The following YLPM1 variants were observed in gnomAD, a reference collection of about 807,000 sequenced individuals.
YLPM1 encodes YLP motif containing 1, also known as YLP motif-containing protein 1.
Under a neutral mutation model 230.0 loss-of-function variants are expected in YLPM1, and 99 were observed. That is an observed-to-expected ratio of 0.43 (90% confidence interval 0.37 to 0.51). YLPM1 has a LOEUF of 0.51. Among genes scored for constraint, YLPM1 ranks in the 20% least tolerant of loss-of-function variants. YLPM1 has a pLI of 0.00. For synonymous variants in YLPM1, 984 were observed against 942.5 expected (o/e 1.04, Z -0.81); for missense variants, 2,592 against 2,707.7 (o/e 0.96, Z 0.95).
chr14:74,778,000 G>A (rs1360384080), intron 1 of YLPM1, among the ~76,000 whole-genome samples: 2 of 151,602 alleles, frequency 1.3e-5, no homozygotes, highest in African/African-American at 4.8e-5. Flanking sequence ...AAAAGAGGGA[G>A]GAGTGCTTGA....
At chr14:74,801,520 A>G (rs1400595073) in intron 5 of YLPM1, among the ~76,000 whole-genome samples, 1 of 152,264 alleles carries the variant, frequency 6.6e-6, no homozygotes, top group Non-Finnish European at 1.5e-5. Flanking sequence ...TTACATAATT[A>G]TCTTCAGGAA....
chr14:74,804,444 A>G (rs931974439), intron 6 of YLPM1, among the ~76,000 whole-genome samples: 6 of 152,034 alleles, frequency 3.9e-5, no homozygotes, highest in East Asian at 3.9e-4. Context: ...CTGATGCTTC[A>G]TTTTCCCTCC....
At chr14:74,815,287 C>CGTG (rs1326064270) in intron 11 of YLPM1, among the ~76,000 whole-genome samples, 1 of 152,062 alleles carries the variant, frequency 6.6e-6, no homozygotes, top group Non-Finnish European at 1.5e-5. Context: ...CTTAGTCAGG[C>CGTG]GTGGTGGCTC....
In YLPM1 at chr14:74,763,384, C is replaced by A. The variant is rs1373475889; in HGVS notation, c.-106C>A. ...GCGCTCCGTTTACACGCTCCGGGGC[C>A]TGTAGGCGCCGCGAGTTCCGGCTGT... On this transcript the variant is annotated 5_prime_UTR_variant, in exon 1 of 21. The change creates a new upstream start codon in the 5' untranslated region. Transcript: ENST00000325680. The A allele has an allele frequency of 7.4e-7, 1 of 1,343,024 alleles. No individual in the cohort carries two copies. Among genetic ancestry groups the A allele is most frequent in the African/African-American group, 1.5e-5 (1 of 65,484 alleles). 83.2% of individuals were successfully genotyped at this position (1,343,024 alleles called of 1,614,324 possible).
At chr14:74,816,517 A>G in intron 12 of YLPM1, 54 bp from the exon 13 acceptor site, 1 of 1,559,520 alleles carries the variant, frequency 6.4e-7, no homozygotes, top group Non-Finnish European at 8.7e-7. Context: ...TTTGGTGTGA[A>G]CATTAATTTA....
chr14:74,790,179 G>A (rs955797742), intron 4 of YLPM1, among the ~76,000 whole-genome samples: 16 of 152,104 alleles, frequency 1.1e-4, no homozygotes, highest in Admixed American at 7.9e-4. Flanking sequence ...CTGGCTTTAG[G>A]ATTGGAATTG....
chr14:74,816,640 G>A lies in YLPM1; in HGVS notation c.5635G>A (p.Val1879Met). 1 of 1,613,644 alleles carries A rather than the reference G, an allele frequency of 6.2e-7. No homozygotes were observed. Residue 1879 changes from valine (V) to methionine (M), a missense_variant, in exon 13 of 21, where the codon GTG becomes ATG. By Grantham distance (21) the Val-to-Met change is conservative. Around this residue, in one of 4 missense-constraint regions of YLPM1, gnomAD observed 315 missense variants for 429.3 expected, o/e 0.73. Coordinates refer to ENST00000325680, the MANE Select transcript of YLPM1 (RefSeq NM_019589.3). ...LSLDDYFITEVEKEEKDPDSG... is the reference protein window; with the variant it reads ...LSLDDYFITEMEKEEKDPDSG... ...CCTGGATGATTACTTCATCACTGAA[G>A]TGGAAAAAGAAGAAAAAGATCCAGA...
rs528972430 is a variant in YLPM1 at position 74,811,038 on chromosome 14, G to T, written c.5229-582G>T. Among the ~76,000 whole-genome samples, 37 of 152,058 alleles carry T rather than the reference G, an allele frequency of 2.4e-4. No individual in the cohort carries two copies. In the South Asian group the frequency reaches 7.7e-3, roughly 32 times the overall value. On this transcript the variant is annotated intron_variant, in intron 9 of 20. Transcript: ENST00000325680. ...GATGTGGTTTCACCATGTTGCCCAGGCTGATCTCAAACTTCTGAGCTCAAG... is the reference window on the plus strand; with the variant it reads ...GATGTGGTTTCACCATGTTGCCCAGTCTGATCTCAAACTTCTGAGCTCAAG...
intron 4 of YLPM1, among the ~76,000 whole-genome samples, chr14:74,790,480 TTAAAAG>T (rs2091195471): frequency 6.6e-6 from 1 of 152,192 alleles, no homozygotes; most frequent in Non-Finnish European, 1.5e-5. Flanking sequence ...AATACCTTCT[TTAAAAG>T]TATTTGTATA....
chr14:74,807,223 T>C (rs2091388625), intron 6 of YLPM1, among the ~76,000 whole-genome samples: 1 of 152,178 alleles, frequency 6.6e-6, no homozygotes, highest in Non-Finnish European at 1.5e-5. Flanking sequence ...TAATGTATAT[T>C]GTGGGCTCTC....
chr14:74,784,508 A>G (rs552665290), intron 4 of YLPM1, among the ~76,000 whole-genome samples: 3 of 152,356 alleles, frequency 2.0e-5, no homozygotes, highest in South Asian at 4.1e-4. Context: ...CAGCTAGTAA[A>G]TGGTCAAGAT....
intron 9 of YLPM1, among the ~76,000 whole-genome samples, chr14:74,811,015 T>A (rs1198857298): frequency 6.6e-6 from 1 of 151,862 alleles, no homozygotes; most frequent in East Asian, 1.9e-4. Flanking sequence ...TTGATGACGA[T>A]GTGGTTTCAC....
intron 1 of YLPM1, among the ~76,000 whole-genome samples, chr14:74,772,779 G>T (rs553850119): frequency 6.6e-6 from 1 of 152,178 alleles, no homozygotes; most frequent in Non-Finnish European, 1.5e-5. Context: ...TATCTGATAT[G>T]ATGGGACATT....
intron 19 of YLPM1, among the ~76,000 whole-genome samples, chr14:74,834,335 CT>C (rs1342070391): frequency 2.0e-5 from 3 of 152,098 alleles, no homozygotes; most frequent in African/African-American, 7.2e-5. Context: ...GAGTCTGTTT[CT>C]TGGTCTCTTT....
chr14:74,830,239 TAAG>T, intron 19 of YLPM1, among the ~76,000 whole-genome samples: 1 of 152,226 alleles, frequency 6.6e-6, no homozygotes, highest in Non-Finnish European at 1.5e-5. Flanking sequence ...AAAGAATGAA[TAAG>T]AAATGATGAA....
chr14:74,821,294 ATTTT>A, intron 17 of YLPM1, 157 bp downstream of exon 17: 1 of 1,142,274 alleles, frequency 8.8e-7, no homozygotes, highest in South Asian at 2.6e-5. Flanking sequence ...GATACTCTTT[ATTTT>A]TCCCCAGACC....
At chr14:74,825,112 A>C (rs1483351494) in intron 18 of YLPM1, among the ~76,000 whole-genome samples, 1 of 152,176 alleles carries the variant, frequency 6.6e-6, no homozygotes, top group Non-Finnish European at 1.5e-5. Context: ...TATGACTGTC[A>C]GTTTATGTTT....
Position 74,799,422 on chromosome 14 carries a change from G to A in YLPM1, c.4125G>A (p.Glu1375=). 6.2e-7 allele frequency: 1 copy of A among 1,614,000 alleles called. No homozygotes were observed. Among genetic ancestry groups the A allele is most frequent in the Non-Finnish European group, 8.5e-7 (1 of 1,179,900 alleles). ...ATAGGGGTGAGTTGAGGATTCGAGA[G>A]TATCCAGAAAGAGGAGATACATGGC... The part of the protein sequence containing the change: ...FRDRGELRIR[E]YPERGDTWRE... Residue 1375 remains glutamate, a synonymous_variant, in exon 5 of 21, where the codon GAG becomes GAA. Coordinates refer to ENST00000325680, the MANE Select transcript of YLPM1 (RefSeq NM_019589.3).
intron 6 of YLPM1, among the ~76,000 whole-genome samples, chr14:74,808,551 C>T (rs1235229598): frequency 6.6e-6 from 1 of 151,874 alleles, no homozygotes; most frequent in African/African-American, 2.4e-5. Flanking sequence ...GCCTGTAATC[C>T]CAGCATTTTG....
Sources: allele counts gnomAD v4.1 joint callset (sites outside exome capture counted in the v4.1 genomes callset), GRCh38; gene constraint gnomAD v4.1.1; regional missense constraint gnomAD v4.1.1; transcripts MANE v1.5; gene names NCBI Gene and HGNC (gene_info 2026-07-23, HGNC 2026-07-21).